Variants in DIAPH2 observed in about 807,000 individuals in gnomAD.
DIAPH2 encodes protein diaphanous homolog 2.
DIAPH2 carries 35 observed loss-of-function variants against 92.7 expected under a neutral mutation model. The ratio of observed to expected loss-of-function variants is 0.38; its 90% CI spans 0.29 to 0.50. The LOEUF (loss-of-function observed/expected upper bound fraction) is 0.50, where lower values mean the gene tolerates loss of function less well. Ranked by LOEUF, DIAPH2 falls within the 20% of genes least tolerant of loss-of-function variation. The probability of loss-of-function intolerance (pLI) is 0.94; values close to 1 mark genes in which losing one functional copy is unlikely to be tolerated. For synonymous variants in DIAPH2, 301 were observed against 280.4 expected (o/e 1.07, Z -0.73); for missense variants, 701 against 819.5 (o/e 0.86, Z 1.77).
intron 4 of DIAPH2, among the ~76,000 whole-genome samples, chrX:96,854,181 G>T (rs890744789): frequency 9.1e-6 from 1 of 110,129 alleles, no homozygotes; most frequent in Non-Finnish European, 1.9e-5. Flanking sequence ...ATTTTACATC[G>T]CAATGGAAAA....
chrX:97,185,159 G>T (rs1481199533), intron 22 of DIAPH2, among the ~76,000 whole-genome samples: 1 of 96,658 alleles, frequency 1.0e-5, no homozygotes. Flanking sequence ...AATGACCCAG[G>T]ATTATAGGCA....
intron 26 of DIAPH2, among the ~76,000 whole-genome samples, chrX:97,560,134 A>G (rs2071284048): frequency 8.9e-6 from 1 of 112,060 alleles, no homozygotes; most frequent in Admixed American, 9.4e-5. Context: ...TACAAGTATT[A>G]AAAAGATCCC....
rs1447431643 is a variant in DIAPH2, at chrX:97,547,847, T to C, written c.3242-51406T>C. Among the ~76,000 whole-genome samples the C allele has an allele frequency of 1.2e-4, 13 of 112,410 alleles. No individual in the cohort carries two copies. The Admixed American group carries it at 1.2e-3, about 11-fold the overall frequency. ...TCAATTAGTTGCCTAAGGCCATACA[T>C]CTGGCAAATGATAGAGTTAGGAGTT... On this transcript the variant is annotated intron_variant, in intron 26 of 26. Transcript: ENST00000324765.
At chrX:96,929,107 A>G (rs935966437) in intron 9 of DIAPH2, among the ~76,000 whole-genome samples, 2 of 111,631 alleles carry the variant, frequency 1.8e-5, no homozygotes, top group Non-Finnish European at 3.8e-5. Context: ...TGGATTGGAC[A>G]TGCACTTTGG....
At chrX:96,962,460 T>C (rs1328587442) in intron 16 of DIAPH2, among the ~76,000 whole-genome samples, 1 of 50,680 alleles carries the variant, frequency 2.0e-5, no homozygotes, top group Admixed American at 3.1e-4. Flanking sequence ...CACACACATA[T>C]ATATATACAT....
Position 96,749,128 on chromosome X carries a change from G to GAA in DIAPH2, c.343-9009_343-9008dup, listed in dbSNP as rs759288156. 3.9e-3 allele frequency among the ~76,000 whole-genome samples: 214 copies of GAA among 55,366 alleles called. 1 individual carries two copies. Among genetic ancestry groups the GAA allele is most frequent in the Non-Finnish European group, 4.3e-3 (139 of 32,544 alleles). 48.1% of individuals were successfully genotyped at this position (55,366 alleles called of 115,157 possible). On this transcript the variant is annotated intron_variant, in intron 3 of 26. Transcript: ENST00000324765. ...AAACCTTTTATTTCCTACCCCATCA[G>GAA]AAAAAAAAAAAAAAAAAATATATAT...
chrX:96,698,587 C>A (rs190487731), intron 1 of DIAPH2, among the ~76,000 whole-genome samples: 273 of 111,047 alleles, frequency 2.5e-3, no homozygotes, highest in African/African-American at 8.3e-3. Context: ...TTCTAGTCCC[C>A]TTAGTTTGAT....
chrX:97,412,138 A>G (rs1485943552), intron 25 of DIAPH2, among the ~76,000 whole-genome samples: 2 of 111,949 alleles, frequency 1.8e-5, no homozygotes, highest in African/African-American at 3.3e-5. Flanking sequence ...TCCAAAATTG[A>G]CCACATAGTT....
chrX:96,894,022 G>A, intron 5 of DIAPH2, among the ~76,000 whole-genome samples: 1 of 111,973 alleles, frequency 8.9e-6, no homozygotes, highest in Middle Eastern at 4.6e-3. Flanking sequence ...AATCCATGAA[G>A]GCAGAATATA....
chrX:96,801,831 G>A (rs181120712), intron 4 of DIAPH2, among the ~76,000 whole-genome samples: 1 of 111,862 alleles, frequency 8.9e-6, no homozygotes, highest in East Asian at 2.8e-4. Context: ...CTACATGGTA[G>A]AGGTACTACT....
intron 26 of DIAPH2, among the ~76,000 whole-genome samples, chrX:97,506,804 T>G (rs2070838280): frequency 9.0e-6 from 1 of 111,397 alleles, no homozygotes. Context: ...TTGGAGGGCA[T>G]CAACTATGCT....
chrX:97,144,909 C>CAT (rs1262996922), intron 22 of DIAPH2, among the ~76,000 whole-genome samples: 1 of 111,569 alleles, frequency 9.0e-6, no homozygotes, highest in Non-Finnish European at 1.9e-5. Context: ...GGATTACAGG[C>CAT]GCACGCCACC....
At chrX:96,949,623 C>A (rs1255954489) in intron 15 of DIAPH2, among the ~76,000 whole-genome samples, 1 of 101,339 alleles carries the variant, frequency 9.9e-6, no homozygotes, top group African/African-American at 3.7e-5. Context: ...GCGGGCAGAT[C>A]ACGAGGTCAG....
chrX:97,559,171 C>A (rs901502313), intron 26 of DIAPH2, among the ~76,000 whole-genome samples: 1 of 111,934 alleles, frequency 8.9e-6, no homozygotes. Flanking sequence ...TGTCATGAAA[C>A]CCTTCAGTTG....
chrX:97,269,568 C>T (rs756375718), intron 23 of DIAPH2, among the ~76,000 whole-genome samples: 15 of 111,427 alleles, frequency 1.3e-4, no homozygotes, highest in Non-Finnish European at 2.3e-4. Flanking sequence ...AAAAGGAATT[C>T]TAGAAGCACT....
chrX:97,554,247 A>G (rs1367751390), intron 26 of DIAPH2, among the ~76,000 whole-genome samples: 1 of 111,741 alleles, frequency 8.9e-6, no homozygotes, highest in Non-Finnish European at 1.9e-5. Flanking sequence ...CCTCACAGAT[A>G]CTACTTCTAA....
rs374932187 is a variant in DIAPH2, at chrX:96,809,518, C to CT, written c.447+51271dup. 8.9e-3 allele frequency among the ~76,000 whole-genome samples: 898 copies of CT among 101,342 alleles called. 11 individuals are homozygous for CT. Among genetic ancestry groups the CT allele is most frequent in the African/African-American group, 0.03 (839 of 28,150 alleles). 88.0% of individuals were successfully genotyped at this position (101,342 alleles called of 115,157 possible). A position where few individuals can be genotyped will look rare whatever the true frequency, so the allele number is the denominator to read the frequency against. On this transcript the variant is annotated intron_variant, in intron 4 of 26. Transcript: ENST00000324765. ...ACTCTTTTTTTTTCTTTCTTTCTTT[C>CT]TTTTTTTTTTTAATCATACTTTAAG... is the stretch of plus-strand genomic sequence containing the variant.
intron 22 of DIAPH2, among the ~76,000 whole-genome samples, chrX:97,175,003 AT>A (rs2067481337): frequency 9.0e-6 from 1 of 111,417 alleles, no homozygotes; most frequent in South Asian, 3.8e-4. Context: ...GGAGAGAGGA[AT>A]TTGTTTTGAA....
intron 26 of DIAPH2, among the ~76,000 whole-genome samples, chrX:97,437,308 T>C (rs1435322094): frequency 8.9e-6 from 1 of 111,812 alleles, no homozygotes; most frequent in Non-Finnish European, 1.9e-5. Context: ...TATATTGTAA[T>C]ATACAATTAA....
Sources: allele counts gnomAD v4.1 joint callset (sites outside exome capture counted in the v4.1 genomes callset), GRCh38; gene constraint gnomAD v4.1.1; transcripts MANE v1.5; gene names NCBI Gene and HGNC (gene_info 2026-07-23, HGNC 2026-07-21).